The following FAM114A1 variants were observed in gnomAD, a reference collection of about 807,000 sequenced individuals.
The protein encoded by FAM114A1 is family with sequence similarity 114 member A1, also known as protein NOXP20.
In FAM114A1, 62 loss-of-function variants were observed where a neutral mutation model predicts 64.3. That is an observed-to-expected ratio of 0.96 (90% CI 0.79 to 1.19). The LOEUF (loss-of-function observed/expected upper bound fraction) is 1.19, where lower values mean the gene tolerates loss of function less well. Ranked by LOEUF, FAM114A1 falls within the 50% of genes most tolerant of loss-of-function variation. The pLI is 0.00. For missense variants in FAM114A1, 645 were observed against 676.3 expected (o/e 0.95, Z 0.51); for synonymous variants, 254 against 251.1 (o/e 1.01, Z -0.11).
chr4:38,941,558 A>T (rs915917085), intron 14 of FAM114A1, among the ~76,000 whole-genome samples: 4 of 152,218 alleles, frequency 2.6e-5, no homozygotes, highest in Non-Finnish European at 5.9e-5. Flanking sequence ...AGTTGTGTTG[A>T]TATAAAGCTG....
At chr4:38,925,761 G>A (rs1720041526) in intron 9 of FAM114A1, among the ~76,000 whole-genome samples, 3 of 152,170 alleles carry the variant, frequency 2.0e-5, no homozygotes, top group South Asian at 4.1e-4. Flanking sequence ...TTATTGCTTC[G>A]GTGAAGATCT....
intron 4 of FAM114A1, among the ~76,000 whole-genome samples, chr4:38,898,973 A>ATGTTATATATGTAATATATAT (rs1553865928): frequency 0.023 from 2,449 of 107,396 alleles, 77 homozygotes; most frequent in African/African-American, 0.06. Flanking sequence ...TGTAATATAT[A>ATGTTATATATGTAATATATAT]TGTTATATAT....
chr4:38,907,179 G>A (rs929270844), intron 6 of FAM114A1, among the ~76,000 whole-genome samples: 1 of 152,170 alleles, frequency 6.6e-6, no homozygotes, highest in African/African-American at 2.4e-5. Flanking sequence ...TGGGGTGGGG[G>A]AAGTAAGGAG....
chr4:38,872,739 C>G (rs1414324545), intron 2 of FAM114A1, among the ~76,000 whole-genome samples: 1 of 152,154 alleles, frequency 6.6e-6, no homozygotes, highest in African/African-American at 2.4e-5. Flanking sequence ...GGAAACCGGC[C>G]AGATAGTAAA....
chr4:38,934,505 C>T (rs1720919854), intron 12 of FAM114A1, among the ~76,000 whole-genome samples: 1 of 152,102 alleles, frequency 6.6e-6, no homozygotes, highest in African/African-American at 2.4e-5. Flanking sequence ...ACTGACTTTA[C>T]TAGATATTTT....
chr4:38,914,180 G>A (rs1718820910), intron 7 of FAM114A1, among the ~76,000 whole-genome samples: 1 of 152,098 alleles, frequency 6.6e-6, no homozygotes, highest in South Asian at 2.1e-4. Context: ...CTGTGTAGGT[G>A]CAGGACTTAA....
chr4:38,884,064 T>C (rs1297465569), intron 3 of FAM114A1, among the ~76,000 whole-genome samples: 2 of 152,254 alleles, frequency 1.3e-5, no homozygotes, highest in Admixed American at 6.5e-5. Flanking sequence ...ACAGTCAGTC[T>C]GTGGACTAGA....
At chr4:38,904,942 C>T (rs188403448) in intron 4 of FAM114A1, among the ~76,000 whole-genome samples, 85 of 152,268 alleles carry the variant, frequency 5.6e-4, no homozygotes, top group African/African-American at 1.8e-3. Flanking sequence ...ACTTTACCTA[C>T]GTGTATCTCA....
chr4:38,936,708 A>C (rs889340527), intron 13 of FAM114A1, among the ~76,000 whole-genome samples: 8 of 151,818 alleles, frequency 5.3e-5, no homozygotes, highest in Admixed American at 3.3e-4. Flanking sequence ...ACACGCCACC[A>C]CGCCCAGCTA....
chr4:38,902,760 G>C (rs141772955), intron 4 of FAM114A1, among the ~76,000 whole-genome samples: 2,407 of 152,074 alleles, frequency 0.016, 81 homozygotes, highest in African/African-American at 0.054. Flanking sequence ...TCCATGAACT[G>C]TACCCTATAG....
chr4:38,935,820 CT>C (rs1215874471), intron 13 of FAM114A1, 30 bp downstream of exon 13: 20 of 1,489,828 alleles, frequency 1.3e-5, no homozygotes, highest in Non-Finnish European at 1.8e-5. Flanking sequence ...TTTTTTTCAC[CT>C]TTTTTAAGGG....
At chr4:38,873,344 C>A (rs114878034) in intron 2 of FAM114A1, among the ~76,000 whole-genome samples, 1 of 152,172 alleles carries the variant, frequency 6.6e-6, no homozygotes, top group African/African-American at 2.4e-5. Context: ...AATGTCAAGT[C>A]ATTTGGAACC....
intron 4 of FAM114A1, among the ~76,000 whole-genome samples, chr4:38,899,963 A>G (rs941033984): frequency 3.3e-5 from 5 of 152,020 alleles, no homozygotes; most frequent in African/African-American, 9.7e-5. Context: ...CATACACTCT[A>G]TTGCTTATTA....
At chr4:38,874,334 A>G (rs1228827923) in intron 2 of FAM114A1, among the ~76,000 whole-genome samples, 2 of 152,202 alleles carry the variant, frequency 1.3e-5, no homozygotes, top group East Asian at 3.8e-4. Context: ...AAAGCGTGGT[A>G]AATGACAGCT....
chr4:38,883,358 G>C (rs1207321817), intron 3 of FAM114A1, among the ~76,000 whole-genome samples: 1 of 152,164 alleles, frequency 6.6e-6, no homozygotes, highest in Non-Finnish European at 1.5e-5. Context: ...TTGAGTACTG[G>C]TTGGGAGTAA....
At position 38,910,113 on chromosome 4, in the gene FAM114A1, C is replaced by T. The variant is rs189528910; in HGVS notation, c.792+1387C>T. Among the ~76,000 whole-genome samples, 6 of 152,128 alleles carry T rather than the reference C, an allele frequency of 3.9e-5. No homozygotes were observed. The Middle Eastern group carries it at 0.01, about 259-fold the overall frequency. The stretch of plus-strand genomic sequence containing the variant: ...AATTAGCCGGATGTGGTGGCGAGCA[C>T]CTGTAATCCCAGCTACTCGGGAGGC... On this transcript the variant is annotated intron_variant, in intron 7 of 14. Transcript: ENST00000358869.
chr4:38,905,731 A>C, intron 5 of FAM114A1, 24 bp from the exon 6 acceptor site: 1 of 1,611,364 alleles, frequency 6.2e-7, no homozygotes, highest in Non-Finnish European at 8.5e-7. Context: ...GTGAACTCTT[A>C]AAGGATTTCT....
At chr4:38,927,837 C>T (rs192655072) in intron 9 of FAM114A1, among the ~76,000 whole-genome samples, 5 of 152,308 alleles carry the variant, frequency 3.3e-5, no homozygotes, top group Admixed American at 3.3e-4. Flanking sequence ...GCGCCCGCCT[C>T]CGCGCCCGGT....
At chr4:38,915,358 G>A (rs766895546) in intron 8 of FAM114A1, among the ~76,000 whole-genome samples, 5 of 152,168 alleles carry the variant, frequency 3.3e-5, no homozygotes, top group Admixed American at 1.3e-4. Flanking sequence ...AAATGTGGCT[G>A]TCCAGCTGCT....
Sources: gnomAD v4.1 joint callset for allele counts (sites outside exome capture counted in the v4.1 genomes callset) on GRCh38, gnomAD v4.1.1 for gene constraint, MANE v1.5 for transcripts, NCBI Gene and HGNC (gene_info 2026-07-23, HGNC 2026-07-21) for gene names.